NECAB1: variants seen among roughly 807,000 people sequenced by gnomAD.
NECAB1 encodes the protein N-terminal EF-hand calcium binding protein 1.
In NECAB1, 29 loss-of-function variants were observed where a neutral mutation model predicts 57.5. The observed-to-expected ratio is 0.50, with a 90% CI of 0.38 to 0.69. The LOEUF is 0.69. Among genes scored for constraint, NECAB1 ranks in the 30% least tolerant of loss-of-function variants. NECAB1 has a pLI of 0.00. For missense variants in NECAB1, 372 were observed against 413.8 expected (o/e 0.90, Z 0.88); for synonymous variants, 142 against 147.7 (o/e 0.96, Z 0.28).
intron 10 of NECAB1, among the ~76,000 whole-genome samples, chr8:90,943,203 T>A (rs1371741343): frequency 1.7e-4 from 26 of 152,162 alleles, no homozygotes; most frequent in Non-Finnish European, 3.1e-4. Flanking sequence ...GCAAATTCCA[T>A]TCTCTCAATA....
intron 5 of NECAB1, among the ~76,000 whole-genome samples, chr8:90,906,367 G>A (rs1168241444): frequency 3.3e-5 from 5 of 152,076 alleles, no homozygotes; most frequent in East Asian, 3.9e-4. Flanking sequence ...CTTTGTTCAC[G>A]CATAGAGTTT....
At chr8:90,798,206 G>A (rs79689774) in intron 1 of NECAB1, among the ~76,000 whole-genome samples, 1 of 152,160 alleles carries the variant, frequency 6.6e-6, no homozygotes, top group Non-Finnish European at 1.5e-5. Context: ...CTTGTAAGAT[G>A]CCCAGTCATT....
At chr8:90,807,282 T>C (rs1474156964) in intron 2 of NECAB1, among the ~76,000 whole-genome samples, 1 of 152,200 alleles carries the variant, frequency 6.6e-6, no homozygotes, top group African/African-American at 2.4e-5. Flanking sequence ...AAATACTTCA[T>C]TGGATTATGA....
chr8:90,833,525 C>T (rs962806635), intron 3 of NECAB1, among the ~76,000 whole-genome samples: 1 of 151,876 alleles, frequency 6.6e-6, no homozygotes, highest in African/African-American at 2.4e-5. Context: ...TGTTTAAATT[C>T]TTTTTTAAAC....
intron 5 of NECAB1, among the ~76,000 whole-genome samples, chr8:90,906,891 A>ATATATATATATACGTATATATATATG (rs1809680948): frequency 8.8e-6 from 1 of 113,414 alleles, no homozygotes; most frequent in African/African-American, 4.0e-5. Context: ...ATATATATAT[A>ATATATATATATACGTATATATATATG]TATATATATA....
chr8:90,914,877 T>C (rs1030521575), intron 5 of NECAB1, among the ~76,000 whole-genome samples: 1 of 152,174 alleles, frequency 6.6e-6, no homozygotes, highest in Non-Finnish European at 1.5e-5. Flanking sequence ...TACTCCACCA[T>C]AAGGGATACA....
At chr8:90,801,419 T>C (rs983936911) in intron 1 of NECAB1, among the ~76,000 whole-genome samples, 1 of 152,226 alleles carries the variant, frequency 6.6e-6, no homozygotes, top group African/African-American at 2.4e-5. Context: ...CAAGTTGTTG[T>C]GTGTATAAAT....
intron 3 of NECAB1, among the ~76,000 whole-genome samples, chr8:90,857,990 T>C (rs1812824939): frequency 6.6e-6 from 1 of 152,186 alleles, no homozygotes; most frequent in African/African-American, 2.4e-5. Context: ...ATAATTGTTA[T>C]AGAAAGTCTT....
intron 12 of NECAB1, 139 bp from the exon 13 acceptor site, chr8:90,955,348 G>A (rs1811011890): frequency 5.1e-6 from 3 of 582,716 alleles, no homozygotes; most frequent in African/African-American, 1.9e-5. Context: ...AAATAGTCAG[G>A]AAATGGTGAC....
chr8:90,891,796 C>A (rs976669673), intron 5 of NECAB1, among the ~76,000 whole-genome samples: 1 of 151,802 alleles, frequency 6.6e-6, no homozygotes, highest in African/African-American at 2.4e-5. Flanking sequence ...CAGGTTCAAG[C>A]GATTCTCCTG....
chr8:90,900,371 T>C (rs1311768257), intron 5 of NECAB1, among the ~76,000 whole-genome samples: 2 of 152,194 alleles, frequency 1.3e-5, no homozygotes, highest in Admixed American at 6.5e-5. Context: ...GAAAAATGGT[T>C]CTTTTCTTCT....
At chr8:90,841,819 G>A (rs1209225169) in intron 3 of NECAB1, among the ~76,000 whole-genome samples, 2 of 152,210 alleles carry the variant, frequency 1.3e-5, no homozygotes, top group East Asian at 3.8e-4. Flanking sequence ...GCATGAAAAT[G>A]GCATGAGGAG....
chr8:90,874,040 T>C (rs954592424), intron 4 of NECAB1, among the ~76,000 whole-genome samples: 15 of 152,208 alleles, frequency 9.9e-5, no homozygotes, highest in Non-Finnish European at 1.6e-4. Flanking sequence ...TCATGTGTTA[T>C]AATCCTCCCC....
chr8:90,895,586 C>G (rs1809307774), intron 5 of NECAB1, among the ~76,000 whole-genome samples: 3 of 152,174 alleles, frequency 2.0e-5, no homozygotes, highest in Admixed American at 1.3e-4. Context: ...AATATAATAA[C>G]AGCATTTTCT....
intron 3 of NECAB1, among the ~76,000 whole-genome samples, chr8:90,870,872 A>G (rs545124945): frequency 2.0e-5 from 3 of 152,348 alleles, no homozygotes; most frequent in South Asian, 2.1e-4. Flanking sequence ...TGCATACCAA[A>G]ATTACTGGAG....
chr8:90,860,507 T>G (rs941812766), intron 3 of NECAB1, among the ~76,000 whole-genome samples: 1 of 152,206 alleles, frequency 6.6e-6, no homozygotes, highest in African/African-American at 2.4e-5. Context: ...TTGGTTGATT[T>G]GGAGACAAAT....
chr8:90,856,123 T>C (rs1347539799), intron 3 of NECAB1, among the ~76,000 whole-genome samples: 3 of 152,108 alleles, frequency 2.0e-5, no homozygotes, highest in Non-Finnish European at 4.4e-5. Context: ...TGGAATTAAA[T>C]ACAAAGTAAA....
Position 90,955,703 on chromosome 8 carries a change from T to C in NECAB1, c.*191T>C. ...GTGAATTTTAGCTCAATTTTCAAAG[T>C]TCACTAATATTCTCAATATTTAATG... On this transcript the variant is annotated 3_prime_UTR_variant, in exon 13 of 13. Coordinates refer to ENST00000417640, the MANE Select transcript of NECAB1 (RefSeq NM_022351.5). The C allele has an allele frequency of 2.1e-6, 1 of 473,744 alleles. No individual in the cohort carries two copies. The allele number at this position is 473,744 out of a possible 1,614,324, so 29.3% of individuals were successfully genotyped here.
chr8:90,880,951 G>GGA, intron 4 of NECAB1, 82 bp from the exon 5 acceptor site: 1 of 950,996 alleles, frequency 1.1e-6, no homozygotes. Flanking sequence ...ACTCATTTAA[G>GGA]GAGTAAATAA....
Sources: gnomAD v4.1 joint callset for allele counts (sites outside exome capture counted in the v4.1 genomes callset) on GRCh38, gnomAD v4.1.1 for gene constraint, MANE v1.5 for transcripts, NCBI Gene and HGNC (gene_info 2026-07-23, HGNC 2026-07-21) for gene names.